The following WSCD1 variants were observed in gnomAD, a reference collection of about 807,000 sequenced individuals.
WSCD1 encodes the protein sialate:O-sulfotransferase 1.
A neutral mutation model predicts 60.4 loss-of-function variants in WSCD1; 41 were observed. That is an observed-to-expected ratio of 0.68 (90% CI 0.53 to 0.88). The LOEUF is 0.88. WSCD1 is among the 40% of genes least tolerant of loss of function. The pLI is 0.00. For synonymous variants in WSCD1, 361 were observed against 332.5 expected, an observed-to-expected ratio of 1.09 and a Z score of -0.93; for missense variants, 784 against 796.2, an observed-to-expected ratio of 0.98 and a Z score of 0.18.
intron 4 of WSCD1, among the ~76,000 whole-genome samples, chr17:6,093,343 G>A (rs1426569676): frequency 2.0e-5 from 3 of 152,238 alleles, no homozygotes; most frequent in Admixed American, 6.5e-5. Flanking sequence ...GGCACCTGCT[G>A]TGTGTCAGGA....
At chr17:6,077,069 T>G (rs1255400996) in intron 1 of WSCD1, among the ~76,000 whole-genome samples, 1 of 149,972 alleles carries the variant, frequency 6.7e-6, no homozygotes, top group Non-Finnish European at 1.5e-5. Context: ...GGGTGACAAG[T>G]TCCTGCAAGT....
rs564891008 is a variant in WSCD1, at chr17:6,123,830, C to T, written c.*3169C>T. On this transcript the variant is annotated 3_prime_UTR_variant, in exon 9 of 9. Transcript: ENST00000317744. ...AAGTAGAGTGGAAATAATGTAGAGT[C>T]GTCAGACTGAAAGGCCAGGTTGTAG... 36 of 152,316 alleles carry T rather than the reference C, an allele frequency of 2.4e-4. No individual in the cohort carries two copies. The Middle Eastern group carries it at 0.014, about 58-fold the overall frequency. 9.4% of individuals were successfully genotyped at this position (152,316 alleles called of 1,614,324 possible). A position where few individuals can be genotyped will look rare whatever the true frequency, so the allele number is the denominator to read the frequency against.
At chr17:6,106,466 T>G (rs73974670) in intron 5 of WSCD1, among the ~76,000 whole-genome samples, 1,755 of 152,326 alleles carry the variant, frequency 0.012, 29 homozygotes, top group African/African-American at 0.04. Context: ...ATGAATGGAT[T>G]TGACAAATGT....
At chr17:6,115,917 C>T (rs1381022151) in intron 7 of WSCD1, among the ~76,000 whole-genome samples, 1 of 152,088 alleles carries the variant, frequency 6.6e-6, no homozygotes, top group Non-Finnish European at 1.5e-5. Flanking sequence ...GATTTCTTAA[C>T]CAGAGTTTGG....
At chr17:6,096,581 T>A (rs4309454) in intron 5 of WSCD1, among the ~76,000 whole-genome samples, 102,055 of 152,126 alleles carry the variant, frequency 0.67, 37,437 homozygotes, top group South Asian at 0.82. Flanking sequence ...GCCAAGGATG[T>A]CTTGGGCATC....
At chr17:6,083,070 G>C (rs891934093) in intron 2 of WSCD1, among the ~76,000 whole-genome samples, 1 of 152,188 alleles carries the variant, frequency 6.6e-6, no homozygotes, top group Non-Finnish European at 1.5e-5. Context: ...CAGCTCATTT[G>C]ACACAGGCAT....
Position 6,080,935 on chromosome 17 carries a change from A to ACCCGGC in WSCD1, c.286_291dup (p.Arg96_Pro97dup), listed in dbSNP as rs771382643. ...TGTGGACATGCTGCAGAGCCCCCTG[A>ACCCGGC]CCCGGCCCCGGCCCGGCCCCCGCTG... is the stretch of plus-strand genomic sequence containing the variant. On this transcript the variant is annotated inframe_insertion, in exon 2 of 9. Coordinates refer to ENST00000317744, the MANE Select transcript of WSCD1 (RefSeq NM_015253.2). The surrounding 1 kb of genome is among the most constrained non-coding windows in gnomAD (Gnocchi z 6.6). 37 of 1,577,498 alleles carry ACCCGGC rather than the reference A, an allele frequency of 2.3e-5. No individual in the cohort carries two copies. Among genetic ancestry groups the ACCCGGC allele is most frequent in the South Asian group, 4.6e-5 (4 of 87,100 alleles).
At chr17:6,096,307 G>A (rs1910422163) in intron 5 of WSCD1, among the ~76,000 whole-genome samples, 1 of 152,124 alleles carries the variant, frequency 6.6e-6, no homozygotes, top group African/African-American at 2.4e-5. Flanking sequence ...GAAGGGTGCA[G>A]GGGTGGACTT....
intron 5 of WSCD1, among the ~76,000 whole-genome samples, chr17:6,102,670 GTAATTTGTTTTA>G (rs1446182514): frequency 1.3e-5 from 2 of 152,096 alleles, no homozygotes; most frequent in Non-Finnish European, 2.9e-5. Flanking sequence ...GTATCTCTAC[GTAATTTGTTTTA>G]TAAACATTGA....
intron 3 of WSCD1, among the ~76,000 whole-genome samples, chr17:6,089,100 A>G (rs1464236134): frequency 6.6e-6 from 1 of 152,230 alleles, no homozygotes; most frequent in African/African-American, 2.4e-5. Context: ...GTTATGTCAC[A>G]TAAATTCTTT....
chr17:6,077,724 C>T (rs1908956780), intron 1 of WSCD1, among the ~76,000 whole-genome samples: 1 of 152,216 alleles, frequency 6.6e-6, no homozygotes, highest in African/African-American at 2.4e-5. Flanking sequence ...ACGGAATTCA[C>T]CAGTATACTC....
At chr17:6,083,101 A>G (rs939059419) in intron 2 of WSCD1, among the ~76,000 whole-genome samples, 1 of 152,202 alleles carries the variant, frequency 6.6e-6, no homozygotes, top group Admixed American at 6.5e-5. Flanking sequence ...AACTCTCCGC[A>G]ACACACCAAG....
At chr17:6,083,892 C>A (rs1362007396) in intron 2 of WSCD1, among the ~76,000 whole-genome samples, 1 of 152,176 alleles carries the variant, frequency 6.6e-6, no homozygotes, top group African/African-American at 2.4e-5. Context: ...CCCCCCTTTA[C>A]TTTAAGTTAC....
At position 6,123,127 on chromosome 17, in the gene WSCD1, G is replaced by A. The variant is rs1904814817; in HGVS notation, c.*2466G>A. On this transcript the variant is annotated 3_prime_UTR_variant, in exon 9 of 9. Coordinates refer to ENST00000317744, the MANE Select transcript of WSCD1 (RefSeq NM_015253.2). ...ACAGCTCTTAGCTTCTCAGTAAAGA[G>A]GATACTCTCCCAACCAGCCAAGGAA... is the stretch of plus-strand genomic sequence containing the variant. 6.6e-6 allele frequency: 1 copy of A among 152,188 alleles called. No individual in the cohort carries two copies. Among genetic ancestry groups the A allele is most frequent in the Admixed American group, 6.5e-5 (1 of 15,284 alleles). 9.4% of individuals were successfully genotyped at this position (152,188 alleles called of 1,614,324 possible). A position where few individuals can be genotyped will look rare whatever the true frequency, so the allele number is the denominator to read the frequency against.
intron 3 of WSCD1, among the ~76,000 whole-genome samples, chr17:6,089,234 A>G (rs770259602): frequency 6.6e-6 from 1 of 152,214 alleles, no homozygotes; most frequent in Non-Finnish European, 1.5e-5. Flanking sequence ...TGGAAACAGG[A>G]TGATACATTC....
At chr17:6,099,915 C>T (rs1341757174) in intron 5 of WSCD1, among the ~76,000 whole-genome samples, 1 of 152,138 alleles carries the variant, frequency 6.6e-6, no homozygotes, top group Non-Finnish European at 1.5e-5. Flanking sequence ...CTTAAAATCA[C>T]CCCACATGTG....
intron 1 of WSCD1, among the ~76,000 whole-genome samples, chr17:6,073,669 G>C (rs965607934): frequency 2.6e-5 from 4 of 152,222 alleles, no homozygotes; most frequent in African/African-American, 9.6e-5. Flanking sequence ...CCAGAGATAG[G>C]CTGGAAAAGG....
At chr17:6,077,487 C>G (rs1007247425) in intron 1 of WSCD1, among the ~76,000 whole-genome samples, 8 of 152,156 alleles carry the variant, frequency 5.3e-5, no homozygotes, top group Non-Finnish European at 1.0e-4. Context: ...CATAGAAGAC[C>G]TGGGCCATGG....
chr17:6,083,032 GGGA>G (rs1440508221), intron 2 of WSCD1, among the ~76,000 whole-genome samples: 4 of 152,172 alleles, frequency 2.6e-5, no homozygotes, highest in Non-Finnish European at 4.4e-5. Context: ...TGTGTCAGAA[GGGA>G]GGGAGGAATG....
Sources: gnomAD v4.1 joint callset for allele counts (sites outside exome capture counted in the v4.1 genomes callset) on GRCh38, gnomAD v4.1.1 for gene constraint, Gnocchi (gnomAD v3.1) non-coding constraint, MANE v1.5 for transcripts, NCBI Gene and HGNC (gene_info 2026-07-23, HGNC 2026-07-21) for gene names.